GJB7: variants seen among roughly 807,000 people sequenced by gnomAD.
GJB7 encodes the protein gap junction protein beta 7, also known as gap junction beta-7 protein.
For missense variants in GJB7, 253 were observed against 256.8 expected, an observed-to-expected ratio of 0.99 and a Z score of 0.10; for synonymous variants, 87 against 95.2, an observed-to-expected ratio of 0.91 and a Z score of 0.50.
chr6:87,320,745 A>G (rs1776645082), intron 2 of GJB7, among the ~76,000 whole-genome samples: 1 of 152,186 alleles, frequency 6.6e-6, no homozygotes, highest in Non-Finnish European at 1.5e-5. Context: ...CACATTTTCA[A>G]TTAGTTGAAA....
At chr6:87,302,902 C>A (rs1222286546) in intron 2 of GJB7, among the ~76,000 whole-genome samples, 1 of 152,270 alleles carries the variant, frequency 6.6e-6, no homozygotes, top group South Asian at 2.1e-4. Flanking sequence ...GAATTTTCAA[C>A]CCAGAATTTC....
chr6:87,303,028 A>G (rs1234447707), intron 2 of GJB7, among the ~76,000 whole-genome samples: 1 of 152,260 alleles, frequency 6.6e-6, no homozygotes, highest in African/African-American at 2.4e-5. Context: ...CTGAAGAAGC[A>G]CTAAACATGG....
At chr6:87,306,937 C>T (rs1419976734) in intron 2 of GJB7, among the ~76,000 whole-genome samples, 12 of 151,976 alleles carry the variant, frequency 7.9e-5, no homozygotes, top group South Asian at 2.1e-4. Flanking sequence ...AGAAACCAAA[C>T]GCTGCATATT....
rs116205513 is a variant in GJB7, at chr6:87,314,651, C to T, written c.-28+8215G>A. Among the ~76,000 whole-genome samples, 1,451 of 152,282 alleles carry T rather than the reference C, an allele frequency of 9.5e-3. 34 individuals are homozygous for T. The highest frequency in any genetic ancestry group is 0.034 in the African/African-American group (1,406 of 41,558). ...TCCCACCTTCATTCTGGGCAAGTGG[C>T]CCCTCAGGGTCTATGGATTCAAAGC... On this transcript the variant is annotated intron_variant, in intron 2 of 2. Coordinates refer to ENST00000525899, the MANE Select transcript of GJB7 (RefSeq NM_198568.3).
chr6:87,295,471 CT>C (rs1474599251), intron 2 of GJB7, among the ~76,000 whole-genome samples: 1 of 152,168 alleles, frequency 6.6e-6, no homozygotes, highest in Non-Finnish European at 1.5e-5. Context: ...GTGCCTTCAG[CT>C]GCTGCCTCTT....
intron 2 of GJB7, chr6:87,300,083 C>A: frequency 6.2e-6 from 2 of 322,678 alleles, no homozygotes; most frequent in Non-Finnish European, 1.2e-5. Context: ...GGGGGTTGTG[C>A]CTTGCTCCAG....
chr6:87,284,847 C>G lies in GJB7; in HGVS notation c.66G>C (p.Trp22Cys), dbSNP rs1324510293. 1 of 1,614,086 alleles carries G rather than the reference C, an allele frequency of 6.2e-7. No homozygotes were observed. The highest frequency in any genetic ancestry group is 1.1e-5 in the South Asian group (1 of 91,076). Residue 22 changes from tryptophan to cysteine, a missense_variant, in exon 3 of 3, where the codon TGG becomes TGC. Trp to Cys is a radical substitution (Grantham distance 215). Coordinates refer to ENST00000525899, the MANE Select transcript of GJB7 (RefSeq NM_198568.3). ...GVNKYSTGTG[W>C]IWLAVVFVFR... ...AGACAAACACGACAGCCAGCCAAATCCATCCAGTCCCAGTGGAGTATTTAT... is the reference window on the plus strand; with the variant it reads ...AGACAAACACGACAGCCAGCCAAATGCATCCAGTCCCAGTGGAGTATTTAT...
chr6:87,297,159 G>A (rs1371379701), intron 2 of GJB7, among the ~76,000 whole-genome samples: 1 of 152,176 alleles, frequency 6.6e-6, no homozygotes, highest in African/African-American at 2.4e-5. Context: ...CGAAGGGTTT[G>A]GGTAAGCTAA....
At chr6:87,292,648 AAT>A in intron 2 of GJB7, among the ~76,000 whole-genome samples, 1 of 150,528 alleles carries the variant, frequency 6.6e-6, no homozygotes, top group Non-Finnish European at 1.5e-5. Context: ...GATCATCTAA[AAT>A]TAAAGATATG....
Position 87,284,644 on chromosome 6 carries a change from A to G in GJB7, c.269T>C (p.Leu90Pro). 2.5e-6 allele frequency: 4 copies of G among 1,614,222 alleles called. No individual in the cohort carries two copies. Among genetic ancestry groups the G allele is most frequent in the Non-Finnish European group, 3.4e-6 (4 of 1,180,044 alleles). Residue 90 changes from leucine to proline, a missense_variant, in exon 3 of 3, where the codon CTG becomes CCG. Transcript: ENST00000525899. ...QLIMVSTPSLLVVLHVAYHEG... is the reference protein window; with the variant it reads ...QLIMVSTPSLPVVLHVAYHEG... ...ATGATAGGCTACATGTAAAACCACC[A>G]GAAGTGAAGGTGTGGAGACCATTAT...
intron 1 of GJB7, among the ~76,000 whole-genome samples, chr6:87,327,937 G>A (rs1384301901): frequency 2.0e-5 from 3 of 149,992 alleles, no homozygotes; most frequent in East Asian, 3.9e-4. Flanking sequence ...CATATTTCTT[G>A]GAGGCTTTGC....
chr6:87,327,706 CTT>C (rs763016521), intron 1 of GJB7, among the ~76,000 whole-genome samples: 14,731 of 146,828 alleles, frequency 0.1, 442 homozygotes, highest in East Asian at 0.12. Context: ...TTCATTTCAA[CTT>C]TGGTGAATCT....
chr6:87,307,595 C>T (rs1281344534), intron 2 of GJB7, among the ~76,000 whole-genome samples: 1 of 152,170 alleles, frequency 6.6e-6, no homozygotes, highest in East Asian at 1.9e-4. Flanking sequence ...TAAAAGAAGA[C>T]ATTTATGCAG....
intron 2 of GJB7, among the ~76,000 whole-genome samples, chr6:87,301,565 A>T (rs960396859): frequency 2.0e-5 from 3 of 152,186 alleles, no homozygotes; most frequent in Non-Finnish European, 4.4e-5. Flanking sequence ...CTGCAGCTCA[A>T]GGAGGCCTGC....
At chr6:87,289,942 C>T (rs147903272) in intron 2 of GJB7, among the ~76,000 whole-genome samples, 365 of 152,288 alleles carry the variant, frequency 2.4e-3, no homozygotes, top group African/African-American at 5.0e-3. Flanking sequence ...AACTTGTGTT[C>T]GAGGAGCACT....
At chr6:87,285,725 G>A (rs1290093663) in intron 2 of GJB7, among the ~76,000 whole-genome samples, 1 of 152,118 alleles carries the variant, frequency 6.6e-6, no homozygotes, top group Admixed American at 6.5e-5. Context: ...CTTAAGTGTT[G>A]TCCATTTTTA....
intron 2 of GJB7, among the ~76,000 whole-genome samples, chr6:87,309,062 C>T (rs777819613): frequency 6.6e-6 from 1 of 152,136 alleles, no homozygotes; most frequent in Non-Finnish European, 1.5e-5. Flanking sequence ...TGCATGTTTC[C>T]GATTGGCATG....
At chr6:87,318,077 G>A (rs1285133716) in intron 2 of GJB7, among the ~76,000 whole-genome samples, 1 of 150,586 alleles carries the variant, frequency 6.6e-6, no homozygotes, top group Non-Finnish European at 1.5e-5. Context: ...AAGAAAAAGA[G>A]TAATGAATTG....
intron 2 of GJB7, chr6:87,300,381 T>A: frequency 4.3e-6 from 1 of 234,946 alleles, no homozygotes; most frequent in Non-Finnish European, 9.2e-6. Context: ...AAGCTGTAAT[T>A]ACAGAAATTT....
Sources: gnomAD v4.1 joint callset for allele counts (sites outside exome capture counted in the v4.1 genomes callset) on GRCh38, gnomAD v4.1.1 for gene constraint, MANE v1.5 for transcripts, NCBI Gene and HGNC (gene_info 2026-07-23, HGNC 2026-07-21) for gene names.